The following PRKAG2 variants were observed in gnomAD, a reference collection of about 807,000 sequenced individuals.
PRKAG2 encodes the protein 5'-AMP-activated protein kinase subunit gamma-2.
PRKAG2 carries 26 observed loss-of-function variants against 69.6 expected under a neutral mutation model. That is an observed-to-expected ratio of 0.37 (90% CI 0.27 to 0.52). PRKAG2 has a LOEUF of 0.52. Ranked by LOEUF, PRKAG2 falls within the 20% of genes least tolerant of loss-of-function variation. The pLI, the probability that PRKAG2 is intolerant of heterozygous loss-of-function variation, is 0.90. For missense variants in PRKAG2, 557 were observed against 740.0 expected (o/e 0.75, Z 2.87); for synonymous variants, 293 against 285.0 (o/e 1.03, Z -0.28).
At chr7:151,874,513 GTATATGTATATGATGTAT>G (rs2080339984) in intron 1 of PRKAG2, among the ~76,000 whole-genome samples, 2 of 116,816 alleles carry the variant, frequency 1.7e-5, no homozygotes, top group East Asian at 3.3e-4. Context: ...TGATGTATAT[GTATATGTATATGATGTAT>G]ATGTATATGT....
chr7:151,632,557 C>G lies in PRKAG2; in HGVS notation c.685-419G>C, dbSNP rs1585377376. On this transcript the variant is annotated intron_variant, in intron 4 of 15. Transcript: ENST00000287878. The surrounding 1 kb of genome is among the most constrained non-coding windows in gnomAD (Gnocchi z 4.2). ...CCGCGGCCCGCCCCCACTCCGCCCC[C>G]CGGCGCCGCTCACCTTCCCAGCACC... 1.0e-6 allele frequency: 1 copy of G among 984,452 alleles called. No homozygotes were observed. Among genetic ancestry groups the G allele is most frequent in the South Asian group, 4.7e-5 (1 of 21,278 alleles). The allele number at this position is 984,452 out of a possible 1,614,324, so 61.0% of individuals were successfully genotyped here.
Position 151,836,939 on chromosome 7 carries a change from C to T in PRKAG2, c.114+39568G>A, listed in dbSNP as rs903525141. ...CCGGCCCAGCCAGCTTGCGGGGACC[C>T]CCGAGACGAGGTCCCTGCCAGACTG... On this transcript the variant is annotated intron_variant, in intron 1 of 15. Transcript: ENST00000287878. This position sits in a 1 kb window ranked among gnomAD's most constrained non-coding sequence, Gnocchi z 4.1. Among the ~76,000 whole-genome samples, 3 of 149,520 alleles carry T rather than the reference C, an allele frequency of 2.0e-5. No individual in the cohort carries two copies. Among genetic ancestry groups the T allele is most frequent in the African/African-American group, 7.4e-5 (3 of 40,532 alleles).
chr7:151,586,333 ATT>A (rs3838328), intron 6 of PRKAG2, among the ~76,000 whole-genome samples: 19 of 150,892 alleles, frequency 1.3e-4, no homozygotes, highest in African/African-American at 2.9e-4. Flanking sequence ...TCTCCTGTAA[ATT>A]TTTTTTTTGG....
chr7:151,755,334 G>C (rs573049336), intron 3 of PRKAG2, among the ~76,000 whole-genome samples: 2 of 152,090 alleles, frequency 1.3e-5, no homozygotes, highest in Non-Finnish European at 2.9e-5. Flanking sequence ...GGGCCTAGGG[G>C]ACATGCTCAG....
chr7:151,786,139 G>A (rs925779181), intron 2 of PRKAG2, among the ~76,000 whole-genome samples: 1 of 152,180 alleles, frequency 6.6e-6, no homozygotes, highest in East Asian at 1.9e-4. Flanking sequence ...GGCAGTGACC[G>A]ATACCTTCCA....
intron 1 of PRKAG2, among the ~76,000 whole-genome samples, chr7:151,856,514 C>T (rs914141204): frequency 2.6e-5 from 4 of 152,202 alleles, no homozygotes; most frequent in Admixed American, 6.5e-5. Flanking sequence ...ACAGCCACAC[C>T]GGGTTCAATT....
chr7:151,565,486 A>G, intron 12 of PRKAG2, 103 bp from the exon 13 acceptor site: 2 of 987,796 alleles, frequency 2.0e-6, no homozygotes, highest in Non-Finnish European at 3.0e-6. Flanking sequence ...AAACACTGAT[A>G]AATAACCTTG....
At chr7:151,620,597 C>A (rs539865352) in intron 5 of PRKAG2, among the ~76,000 whole-genome samples, 2 of 152,208 alleles carry the variant, frequency 1.3e-5, no homozygotes, top group African/African-American at 4.8e-5. Flanking sequence ...CCTGTCTCAG[C>A]CTCCTGAGTG....
At chr7:151,871,647 G>C (rs955417206) in intron 1 of PRKAG2, among the ~76,000 whole-genome samples, 9 of 152,180 alleles carry the variant, frequency 5.9e-5, no homozygotes, top group African/African-American at 2.2e-4. Flanking sequence ...AGTAGTTCTA[G>C]GTCTCCACCA....
intron 4 of PRKAG2, among the ~76,000 whole-genome samples, chr7:151,636,917 T>G (rs968008127): frequency 6.6e-6 from 1 of 152,020 alleles, no homozygotes; most frequent in Non-Finnish European, 1.5e-5. Flanking sequence ...GTTGGCCAGG[T>G]TGGTCTCGAA....
At chr7:151,840,894 G>A (rs1384590696) in intron 1 of PRKAG2, among the ~76,000 whole-genome samples, 1 of 152,216 alleles carries the variant, frequency 6.6e-6, no homozygotes, top group Non-Finnish European at 1.5e-5. Context: ...AGCTACTTGC[G>A]ACGCTGGGGC....
At chr7:151,794,496 C>A (rs1017796665) in intron 1 of PRKAG2, among the ~76,000 whole-genome samples, 1 of 152,244 alleles carries the variant, frequency 6.6e-6, no homozygotes, top group South Asian at 2.1e-4. Flanking sequence ...GCGGTGTGAG[C>A]CCCCGTGGCA....
At chr7:151,733,386 C>T (rs1191548632) in intron 3 of PRKAG2, among the ~76,000 whole-genome samples, 1 of 152,192 alleles carries the variant, frequency 6.6e-6, no homozygotes, top group African/African-American at 2.4e-5. Flanking sequence ...TCTTACAAAA[C>T]TTGGTTGAGA....
chr7:151,560,292 T>C, intron 15 of PRKAG2: 3 of 1,425,340 alleles, frequency 2.1e-6, no homozygotes, highest in Non-Finnish European at 2.8e-6. Context: ...AGGGGGCCAC[T>C]GGACCTTGAT....
intron 1 of PRKAG2, among the ~76,000 whole-genome samples, chr7:151,837,915 C>T (rs1461736893): frequency 6.6e-6 from 1 of 152,170 alleles, no homozygotes; most frequent in African/African-American, 2.4e-5. Context: ...CAGACAGTCA[C>T]TCCTGTGGGC....
chr7:151,620,541 G>A (rs934295057), intron 5 of PRKAG2, among the ~76,000 whole-genome samples: 2 of 151,938 alleles, frequency 1.3e-5, no homozygotes, highest in Admixed American at 1.3e-4. Context: ...GCAGTGGCAT[G>A]ATCACTGCTC....
chr7:151,658,045 C>T (rs1483947638), intron 4 of PRKAG2, among the ~76,000 whole-genome samples: 2 of 151,838 alleles, frequency 1.3e-5, no homozygotes, highest in African/African-American at 4.8e-5. Flanking sequence ...GTAGTCCCAC[C>T]TACTCAGGAG....
At chr7:151,715,814 C>G (rs1277486939) in intron 3 of PRKAG2, among the ~76,000 whole-genome samples, 1 of 150,866 alleles carries the variant, frequency 6.6e-6, no homozygotes. Context: ...GTGCTCAAGG[C>G]GAAAGGCAAA....
At chr7:151,690,980 C>A (rs887417954) in intron 3 of PRKAG2, among the ~76,000 whole-genome samples, 12 of 152,188 alleles carry the variant, frequency 7.9e-5, no homozygotes, top group Non-Finnish European at 1.8e-4. Flanking sequence ...TAGTGCTCAA[C>A]AAGTAGACAA....
Sources: gnomAD v4.1 joint callset for allele counts (sites outside exome capture counted in the v4.1 genomes callset) on GRCh38, gnomAD v4.1.1 for gene constraint, Gnocchi (gnomAD v3.1) non-coding constraint, MANE v1.5 for transcripts, NCBI Gene and HGNC (gene_info 2026-07-23, HGNC 2026-07-21) for gene names.